RIMKLB: variants seen among roughly 807,000 people sequenced by gnomAD.
The protein encoded by RIMKLB is ribosomal modification protein rimK like family member B, also known as beta-citrylglutamate synthase B.
RIMKLB carries 7 observed loss-of-function variants against 32.0 expected under a neutral mutation model. The observed-to-expected ratio is 0.22, with a 90% CI of 0.12 to 0.41. The LOEUF (loss-of-function observed/expected upper bound fraction) is 0.41. Among genes scored for constraint, RIMKLB ranks in the 10% least tolerant of loss-of-function variants. The pLI, the probability that RIMKLB is intolerant of heterozygous loss-of-function variation, is 1.00. For synonymous variants in RIMKLB, 172 were observed against 185.1 expected (o/e 0.93, Z 0.57); for missense variants, 289 against 498.7 (o/e 0.58, Z 4.00).
At chr12:8,718,002 C>G (rs1945031919) in intron 2 of RIMKLB, among the ~76,000 whole-genome samples, 1 of 152,162 alleles carries the variant, frequency 6.6e-6, no homozygotes, top group South Asian at 2.1e-4. Flanking sequence ...TTTCCTTGTT[C>G]ATCTCTTTTA....
intron 1 of RIMKLB, among the ~76,000 whole-genome samples, chr12:8,692,026 G>T (rs1294953354): frequency 2.0e-5 from 3 of 150,760 alleles, no homozygotes; most frequent in African/African-American, 4.9e-5. Flanking sequence ...TTTAATACTT[G>T]ATGCTTCCTC....
chr12:8,764,399 C>T (rs1949781650), intron 5 of RIMKLB, among the ~76,000 whole-genome samples: 1 of 152,150 alleles, frequency 6.6e-6, no homozygotes, highest in Non-Finnish European at 1.5e-5. Context: ...CTCTCCCTAA[C>T]AAGGGAGTGG....
downstream of RIMKLB, among the ~76,000 whole-genome samples, chr12:8,781,548 C>G (rs901842553): frequency 6.6e-6 from 1 of 152,186 alleles, no homozygotes; most frequent in African/African-American, 2.4e-5. Context: ...TTCTCTCTTG[C>G]TTATCTGGCT....
intron 2 of RIMKLB, among the ~76,000 whole-genome samples, chr12:8,719,343 A>C (rs1007512585): frequency 6.6e-6 from 1 of 152,158 alleles, no homozygotes; most frequent in Non-Finnish European, 1.5e-5. Flanking sequence ...CCCTGGGATT[A>C]TAAATTAAGC....
At chr12:8,768,758 G>A (rs374892679) in intron 5 of RIMKLB, among the ~76,000 whole-genome samples, 132 of 152,164 alleles carry the variant, frequency 8.7e-4, no homozygotes, top group South Asian at 1.9e-3. Flanking sequence ...TTCTGGGGGC[G>A]GTTTTGGAAA....
chr12:8,711,492 CAG>C (rs575936511), intron 1 of RIMKLB, among the ~76,000 whole-genome samples: 8 of 151,994 alleles, frequency 5.3e-5, no homozygotes, highest in Non-Finnish European at 1.0e-4. Context: ...AAGTCAGTGA[CAG>C]AGTCTTTTAA....
downstream of RIMKLB, among the ~76,000 whole-genome samples, chr12:8,778,512 TAGG>T (rs1229725763): frequency 2.6e-5 from 4 of 152,180 alleles, no homozygotes; most frequent in South Asian, 2.1e-4. Context: ...TTTGAACAGA[TAGG>T]AGGACATTTC....
chr12:8,679,668 G>T (rs930354840), upstream of RIMKLB: 7 of 152,306 alleles, frequency 4.6e-5, no homozygotes, highest in Non-Finnish European at 1.0e-4. Flanking sequence ...CAGTCCAAGT[G>T]ATGCACGGCC....
intron 2 of RIMKLB, among the ~76,000 whole-genome samples, chr12:8,749,185 A>T (rs895803345): frequency 6.6e-6 from 1 of 152,014 alleles, no homozygotes; most frequent in African/African-American, 2.4e-5. Flanking sequence ...AGTCATATTC[A>T]GAGGAAGCCA....
At chr12:8,733,412 G>T (rs1323950995) in intron 2 of RIMKLB, among the ~76,000 whole-genome samples, 1 of 152,052 alleles carries the variant, frequency 6.6e-6, no homozygotes, top group South Asian at 2.1e-4. Flanking sequence ...CCATCGTGTA[G>T]TATCTGTTTA....
intron 2 of RIMKLB, among the ~76,000 whole-genome samples, chr12:8,738,235 G>C (rs911801021): frequency 6.6e-6 from 1 of 152,106 alleles, no homozygotes; most frequent in African/African-American, 2.4e-5. Context: ...TAGAGACAGA[G>C]TTTTGCTATG....
rs11046892 is a variant in RIMKLB at position 8,713,850 on chromosome 12, A to G, written c.-17A>G. On this transcript the variant is annotated 5_prime_UTR_variant, in exon 2 of 6. Transcript: ENST00000535829. The stretch of plus-strand genomic sequence containing the variant: ...CAAGAGGAAATAATCCAGGCAAGGA[A>G]GCACAAGCTGATCAAGATGTGTAGT... 11,890 of 1,613,800 alleles carry G rather than the reference A, an allele frequency of 7.4e-3. 51 individuals are homozygous for G. Among genetic ancestry groups the G allele is most frequent in the Non-Finnish European group, 8.9e-3 (10,508 of 1,179,694 alleles).
chr12:8,712,893 A>G (rs1944496307), intron 1 of RIMKLB, among the ~76,000 whole-genome samples: 1 of 152,276 alleles, frequency 6.6e-6, no homozygotes, highest in South Asian at 2.1e-4. Flanking sequence ...TAATACTTGA[A>G]TGATACTTGA....
intron 2 of RIMKLB, among the ~76,000 whole-genome samples, chr12:8,716,713 T>TTTCTTTTCC (rs1944881179): frequency 6.7e-6 from 1 of 148,808 alleles, no homozygotes; most frequent in Non-Finnish European, 1.5e-5. Flanking sequence ...TAGCTTTTTC[T>TTTCTTTTCC]TTCTTTTCCT....
chr12:8,713,661 T>G (rs1033601494), intron 1 of RIMKLB, 150 bp from the exon 2 acceptor site: 2 of 546,046 alleles, frequency 3.7e-6, no homozygotes, highest in Non-Finnish European at 6.5e-6. Flanking sequence ...TATAAAAATT[T>G]TAGTTTGAAT....
At chr12:8,699,309 T>C (rs1943178772) in intron 1 of RIMKLB, among the ~76,000 whole-genome samples, 2 of 152,222 alleles carry the variant, frequency 1.3e-5, no homozygotes, top group African/African-American at 4.8e-5. Context: ...TGGGTGTTCT[T>C]AATTATTAAC....
intron 5 of RIMKLB, among the ~76,000 whole-genome samples, chr12:8,759,280 A>C (rs1949324316): frequency 6.6e-6 from 1 of 152,168 alleles, no homozygotes; most frequent in South Asian, 2.1e-4. Flanking sequence ...CTGTAGTCCC[A>C]GCTACTCAGG....
At position 8,773,142 on chromosome 12, in the gene RIMKLB, G is replaced by A. The variant is rs766311333; in HGVS notation, c.698-179G>A. On this transcript the variant is annotated intron_variant, in intron 5 of 5. Coordinates refer to ENST00000535829, the MANE Select transcript of RIMKLB (RefSeq NM_001297776.2). ...CGAAATCATCAATTCCTGGGAGACT[G>A]GATAGGGAGAGGATTCCTGATTAAG... Among the ~76,000 whole-genome samples, 4 of 152,080 alleles carry A rather than the reference G, an allele frequency of 2.6e-5. No individual in the cohort carries two copies. The South Asian group carries it at 8.3e-4, about 32-fold the overall frequency.
At chr12:8,724,242 G>A (rs753944734) in intron 2 of RIMKLB, among the ~76,000 whole-genome samples, 119 of 152,196 alleles carry the variant, frequency 7.8e-4, no homozygotes, top group African/African-American at 2.7e-3. Flanking sequence ...TTCTCTAGCT[G>A]TAAAATTCGT....
Sources: allele counts gnomAD v4.1 joint callset (sites outside exome capture counted in the v4.1 genomes callset), GRCh38; gene constraint gnomAD v4.1.1; transcripts MANE v1.5; gene names NCBI Gene and HGNC (gene_info 2026-07-23, HGNC 2026-07-21).